Variants in ANKK1 observed in about 807,000 individuals in gnomAD.
The protein encoded by ANKK1 is ankyrin repeat and kinase domain containing 1.
ANKK1 carries 37 observed loss-of-function variants against 37.6 expected under a neutral mutation model. The ratio of observed to expected loss-of-function variants is 0.98; its 90% CI spans 0.76 to 1.29. ANKK1 has a LOEUF of 1.29. ANKK1 is among the 50% of genes most tolerant of loss of function. The pLI, the probability that ANKK1 is intolerant of heterozygous loss-of-function variation, is 0.00. For synonymous variants in ANKK1, 415 were observed against 418.7 expected, an observed-to-expected ratio of 0.99 and a Z score of 0.11; for missense variants, 1,019 against 990.6, an observed-to-expected ratio of 1.03 and a Z score of -0.39.
intron 2 of ANKK1, 113 bp downstream of exon 2, chr11:113,393,888 T>A: frequency 1.6e-6 from 2 of 1,271,682 alleles, no homozygotes; most frequent in East Asian, 2.5e-5. Context: ...GTTCCCTTCA[T>A]GGACAAATTC....
Position 113,398,006 on chromosome 11 carries a change from G to A in ANKK1, c.984G>A (p.Leu328=), listed in dbSNP as rs1387898626. 1 of 1,565,164 alleles carries A rather than the reference G, an allele frequency of 6.4e-7. No individual in the cohort carries two copies. Among genetic ancestry groups the A allele is most frequent in the South Asian group, 1.2e-5 (1 of 84,726 alleles). ...TTAATGAGGACATCAGCCAGGAACT[G>A]ATGGACAGTGGTGAGTCTGGGTGCC... ...GEVNEDISQE[L]MDSDSGNYLK... The change falls in exon 7 of 8, where the codon CTG becomes CTA. Residue 328 remains leucine, a synonymous_variant. Transcript: ENST00000303941.
intron 1 of ANKK1, among the ~76,000 whole-genome samples, chr11:113,390,494 T>C (rs1950578806): frequency 6.6e-6 from 1 of 152,188 alleles, no homozygotes; most frequent in Non-Finnish European, 1.5e-5. Flanking sequence ...ATCCCAGCAC[T>C]TTGAGAGGCC....
chr11:113,393,838 T>A, intron 2 of ANKK1, 63 bp downstream of exon 2: 1 of 1,508,082 alleles, frequency 6.6e-7, no homozygotes, highest in Non-Finnish European at 8.9e-7. Flanking sequence ...GTGAGCAGAA[T>A]TATCCACCTG....
chr11:113,391,048 A>G (rs981737730), intron 1 of ANKK1, among the ~76,000 whole-genome samples: 3 of 152,154 alleles, frequency 2.0e-5, no homozygotes, highest in Non-Finnish European at 2.9e-5. Flanking sequence ...TTTTATGTAG[A>G]CTTCTCTGTG....
chr11:113,388,610 G>A (rs11214594), intron 1 of ANKK1, among the ~76,000 whole-genome samples: 55,011 of 152,164 alleles, frequency 0.36, 12,959 homozygotes, highest in Non-Finnish European at 0.53. Context: ...GAGACTGCCC[G>A]GCCTGATGGC....
At chr11:113,394,244 C>G (rs538510167) in intron 2 of ANKK1, among the ~76,000 whole-genome samples, 1 of 152,324 alleles carries the variant, frequency 6.6e-6, no homozygotes. Context: ...CTTCCCTGAT[C>G]TACTCCAGTA....
chr11:113,392,221 A>G (rs147886949), intron 1 of ANKK1, among the ~76,000 whole-genome samples: 139 of 152,374 alleles, frequency 9.1e-4, no homozygotes, highest in African/African-American at 3.0e-3. Context: ...TCATACAGAT[A>G]ATAACGGGTG....
rs2138143030 is a variant in ANKK1, at chr11:113,400,191, T to C, written c.2222T>C (p.Met741Thr). The change falls in exon 8 of 8, where the codon ATG (methionine) becomes ACG (threonine). Residue 741 changes from methionine to threonine, a missense_variant. Transcript: ENST00000303941. ...LALRSRKQGI[M>T]SFLEGKEPSV... Reference sequence around the variant, plus strand: ...CTCCGCAGCCGAAAGCAGGGCATCATGTCCTTCCTAGAGGGCAAGGAGCCG... The same window carrying C: ...CTCCGCAGCCGAAAGCAGGGCATCACGTCCTTCCTAGAGGGCAAGGAGCCG... The C allele has an allele frequency of 6.4e-7, 1 of 1,564,550 alleles. No homozygotes were observed. Among genetic ancestry groups the C allele is most frequent in the Non-Finnish European group, 8.7e-7 (1 of 1,155,414 alleles).
At chr11:113,390,928 A>G (rs1332758617) in intron 1 of ANKK1, among the ~76,000 whole-genome samples, 1 of 152,224 alleles carries the variant, frequency 6.6e-6, no homozygotes, top group African/African-American at 2.4e-5. Flanking sequence ...TGATTAAAAT[A>G]TCTAAGAAGG....
intron 7 of ANKK1, among the ~76,000 whole-genome samples, chr11:113,398,314 TAAAAAAA>T (rs10585601): frequency 1.8e-4 from 23 of 128,188 alleles, no homozygotes; most frequent in Non-Finnish European, 3.1e-4. Context: ...CTCGGGAAAT[TAAAAAAA>T]AAAAAAAAAA....
intron 1 of ANKK1, among the ~76,000 whole-genome samples, chr11:113,391,993 T>A (rs1301411573): frequency 6.6e-6 from 1 of 152,148 alleles, no homozygotes; most frequent in Non-Finnish European, 1.5e-5. Flanking sequence ...TATAGCAACA[T>A]AGAGGCTGTT....
chr11:113,397,403 T>A (rs1239966723), intron 6 of ANKK1, 61 bp downstream of exon 6: 10 of 1,403,554 alleles, frequency 7.1e-6, no homozygotes, highest in African/African-American at 1.4e-5. Flanking sequence ...CTGTGTGGAC[T>A]GTTGTGATCT....
At position 113,393,659 on chromosome 11, in the gene ANKK1, C is replaced by T. The variant is rs370146394; in HGVS notation, c.364C>T (p.Arg122Cys). Residue 122 changes from arginine to cysteine, a missense_variant, in exon 2 of 8, where the codon CGC becomes TGC. Physicochemically the swap from Arg to Cys is radical, Grantham distance 180 (BLOSUM62 -3). Coordinates refer to ENST00000303941, the MANE Select transcript of ANKK1 (RefSeq NM_178510.2). ...CAGCCTCTGCTGGAAGCTCAGGTTCCGCATCATCCATGAGACCAGCTTGGC... is the reference window on the plus strand; with the variant it reads ...CAGCCTCTGCTGGAAGCTCAGGTTCTGCATCATCCATGAGACCAGCTTGGC... ...THSLCWKLRF[R>C]IIHETSLAMN... is the part of the protein sequence containing the mutation. 1.4e-5 allele frequency: 23 copies of T among 1,613,904 alleles called. No homozygotes were observed. Among genetic ancestry groups the T allele is most frequent in the Middle Eastern group, 1.6e-4 (1 of 6,062 alleles).
Position 113,396,063 on chromosome 11 carries a change from G to T in ANKK1, c.683-4G>T. On this transcript the variant is annotated splice_region_variant and splice_polypyrimidine_tract_variant and intron_variant, in intron 4 of 7. Transcript: ENST00000303941. The stretch of plus-strand genomic sequence containing the variant: ...ACCCACATAGCCTGAGCCTCCCTTT[G>T]CAGGGTTCAACATGATGATGATTAT... The T allele has an allele frequency of 6.2e-7, 1 of 1,613,766 alleles. No individual in the cohort carries two copies. Among genetic ancestry groups the T allele is most frequent in the South Asian group, 1.1e-5 (1 of 91,038 alleles).
chr11:113,400,313 T>A lies in ANKK1; in HGVS notation c.*46T>A. 6 of 1,470,754 alleles carry A rather than the reference T, an allele frequency of 4.1e-6. No homozygotes were observed. Among genetic ancestry groups the A allele is most frequent in the Non-Finnish European group, 5.4e-6 (6 of 1,101,360 alleles). 91.1% of individuals were successfully genotyped at this position (1,470,754 alleles called of 1,614,324 possible). On this transcript the variant is annotated 3_prime_UTR_variant, in exon 8 of 8. Coordinates refer to ENST00000303941, the MANE Select transcript of ANKK1 (RefSeq NM_178510.2). ...GGCTCACGTCTGTAATCCCAGCACT[T>A]TGGGAGGCTGAGGCAGGCAGATCAC...
At chr11:113,388,543 G>A (rs1168102898) in intron 1 of ANKK1, among the ~76,000 whole-genome samples, 1 of 152,176 alleles carries the variant, frequency 6.6e-6, no homozygotes, top group East Asian at 1.9e-4. Context: ...TCTTCCCACG[G>A]TGGCGGGAGG....
In ANKK1 at chr11:113,398,003, A is replaced by C; in HGVS notation, c.981A>C (p.Glu327Asp). The C allele has an allele frequency of 6.4e-7, 1 of 1,565,084 alleles. No individual in the cohort carries two copies. The highest frequency in any genetic ancestry group is 8.7e-7 in the Non-Finnish European group (1 of 1,154,318). ...AGGTTAATGAGGACATCAGCCAGGA[A>C]CTGATGGACAGTGGTGAGTCTGGGT... ...PGEVNEDISQ[E>D]LMDSDSGNYL... is the part of the protein sequence containing the mutation. The change falls in exon 7 of 8, where the codon GAA becomes GAC. Residue 327 changes from glutamate to aspartate, a missense_variant. Transcript: ENST00000303941.
At chr11:113,397,919 A>G in intron 6 of ANKK1, 61 bp from the exon 7 acceptor site, 1 of 1,525,432 alleles carries the variant, frequency 6.6e-7, no homozygotes, top group Non-Finnish European at 8.9e-7. Flanking sequence ...GGAGGGGAGG[A>G]GGGCACAGGC....
chr11:113,396,207 A>T lies in ANKK1; in HGVS notation c.823A>T (p.Arg275Trp). ...CTGCTGGGACCAGGACCCCAAGAAG[A>T]GGCCATGCTTTCTAGGTGCTTATCC... is the stretch of plus-strand genomic sequence containing the variant. ...KRCWDQDPKK[R>W]PCFLDITIET... The change falls in exon 5 of 8, where the codon AGG becomes TGG. Residue 275 changes from arginine to tryptophan, a missense_variant. Transcript: ENST00000303941. 4 of 1,613,906 alleles carry T rather than the reference A, an allele frequency of 2.5e-6. No homozygotes were observed. The highest frequency in any genetic ancestry group is 1.7e-6 in the Non-Finnish European group (2 of 1,179,846).
Sources: allele counts gnomAD v4.1 joint callset (sites outside exome capture counted in the v4.1 genomes callset), GRCh38; gene constraint gnomAD v4.1.1; transcripts MANE v1.5; gene names NCBI Gene and HGNC (gene_info 2026-07-23, HGNC 2026-07-21).